The following TEX15 variants were observed in gnomAD, a reference collection of about 807,000 sequenced individuals.
The protein encoded by TEX15 is testis expressed 15, meiosis and synapsis associated, also known as testis-expressed protein 15.
In TEX15, 171 loss-of-function variants were observed where a neutral mutation model predicts 237.3. The observed-to-expected ratio is 0.72, with a 90% CI of 0.64 to 0.82. TEX15 has a LOEUF of 0.82. TEX15 is among the 40% of genes least tolerant of loss of function. The pLI is 0.00. For missense variants in TEX15, 3,750 were observed against 3,646.5 expected (o/e 1.03, Z -0.73); for synonymous variants, 1,338 against 1,269.8 (o/e 1.05, Z -1.14).
intron 6 of TEX15, among the ~76,000 whole-genome samples, chr8:30,859,346 C>A (rs970838392): frequency 1.3e-5 from 2 of 151,990 alleles, no homozygotes; most frequent in African/African-American, 4.8e-5. Flanking sequence ...TAAGCCTTTT[C>A]TTTTTCCTAC....
At chr8:30,879,489 TG>T (rs1276852139) in intron 3 of TEX15, among the ~76,000 whole-genome samples, 4 of 152,258 alleles carry the variant, frequency 2.6e-5, no homozygotes, top group African/African-American at 9.6e-5. Context: ...TTTTGGTCTC[TG>T]GATGTCCAAT....
chr8:30,858,596 C>A, intron 7 of TEX15, 72 bp downstream of exon 7: 1 of 1,291,754 alleles, frequency 7.7e-7, no homozygotes, highest in South Asian at 1.5e-5. Flanking sequence ...TTGTGTCCAG[C>A]CAGTAAATAA....
intron 7 of TEX15, 65 bp downstream of exon 7, chr8:30,858,603 A>G (rs924001733): frequency 1.5e-6 from 2 of 1,363,544 alleles, no homozygotes; most frequent in South Asian, 1.5e-5. Context: ...CAGCCAGTAA[A>G]TAATACTGAG....
chr8:30,906,696 A>T (rs1402608942), intron 1 of TEX15, among the ~76,000 whole-genome samples: 3 of 152,146 alleles, frequency 2.0e-5, no homozygotes, highest in Admixed American at 6.5e-5. Context: ...AAACTAAAAC[A>T]CTAGGTTTAA....
chr8:30,870,501 A>G (rs1808269203), intron 4 of TEX15, among the ~76,000 whole-genome samples: 1 of 152,060 alleles, frequency 6.6e-6, no homozygotes, highest in African/African-American at 2.4e-5. Flanking sequence ...GTATTTAGCT[A>G]TGGGGTGGGG....
chr8:30,890,594 CCTCT>C (rs1270430739), intron 2 of TEX15: 3 of 152,122 alleles, frequency 2.0e-5, no homozygotes, highest in Non-Finnish European at 2.9e-5. Context: ...ACTCACGTGG[CCTCT>C]CTCTGTTTAA....
At chr8:30,863,554 C>G (rs1270726756) in intron 5 of TEX15, among the ~76,000 whole-genome samples, 1 of 152,114 alleles carries the variant, frequency 6.6e-6, no homozygotes, top group Non-Finnish European at 1.5e-5. Context: ...ATTGCTGCAT[C>G]AATACCATTG....
Position 30,867,423 on chromosome 8 carries a change from C to T in TEX15, c.382G>A (p.Val128Ile), listed in dbSNP as rs1198795842. ...FCFLALPQSD[V>I]AQIYQNGIST... ...ATTCCATTCTGATATATCTGGGCTA[C>T]ATCACTCTGGGGAAGTGCTAAAAAG... The change falls in exon 5 of 11, where the codon GTA becomes ATA. Residue 128 changes from valine to isoleucine, a missense_variant. By Grantham distance (29) the Val-to-Ile change is conservative. Coordinates refer to ENST00000643185, the MANE Select transcript of TEX15 (RefSeq NM_001350162.2). 4 of 1,534,498 alleles carry T rather than the reference C, an allele frequency of 2.6e-6. No individual in the cohort carries two copies. The South Asian group carries it at 4.8e-5, about 18-fold the overall frequency.
intron 1 of TEX15, among the ~76,000 whole-genome samples, chr8:30,906,429 C>G (rs1309370141): frequency 6.9e-6 from 1 of 143,924 alleles, no homozygotes; most frequent in Non-Finnish European, 1.5e-5. Flanking sequence ...ACTAAAAATA[C>G]AAAAAAAAAA....
In TEX15 at chr8:30,833,220, A is replaced by G; in HGVS notation, c.*66T>C. On this transcript the variant is annotated 3_prime_UTR_variant, in exon 11 of 11. Coordinates refer to ENST00000643185, the MANE Select transcript of TEX15 (RefSeq NM_001350162.2). ...CATTAAAAATCGCTAAATGTTAAAA[A>G]ATATATAAGTAAAAAATATTTGGAA... 1 of 1,118,360 alleles carries G rather than the reference A, an allele frequency of 8.9e-7. No individual in the cohort carries two copies. Among genetic ancestry groups the G allele is most frequent in the Non-Finnish European group, 1.3e-6 (1 of 782,556 alleles). The allele number at this position is 1,118,360 out of a possible 1,614,324, so 69.3% of individuals were successfully genotyped here.
chr8:30,870,743 A>C (rs1391097364), intron 4 of TEX15, among the ~76,000 whole-genome samples: 5 of 152,064 alleles, frequency 3.3e-5, no homozygotes, highest in African/African-American at 4.8e-5. Flanking sequence ...TGCTAATGCC[A>C]CCCAACTCCA....
intron 9 of TEX15, among the ~76,000 whole-genome samples, chr8:30,838,299 T>C (rs533497449): frequency 2.6e-5 from 4 of 152,298 alleles, no homozygotes; most frequent in African/African-American, 4.8e-5. Flanking sequence ...TCCAATATTG[T>C]AATAAACTAT....
chr8:30,881,830 C>G (rs1808533931), intron 3 of TEX15, among the ~76,000 whole-genome samples: 2 of 152,008 alleles, frequency 1.3e-5, no homozygotes, highest in African/African-American at 2.4e-5. Context: ...ACTGTGTTGC[C>G]CAGGCTAGTC....
Position 30,847,336 on chromosome 8 carries a change from T to G in TEX15, c.2831A>C (p.Asp944Ala), listed in dbSNP as rs776068487. 6.2e-7 allele frequency: 1 copy of G among 1,613,868 alleles called. No homozygotes were observed. Among genetic ancestry groups the G allele is most frequent in the Non-Finnish European group, 8.5e-7 (1 of 1,179,908 alleles). ...TTTTTGTTTCACGGCACTAATGGTA[T>G]CTTCTTCACTCTCTAATAATGCAGT... ...AATALLESEEDTISAVKQKDT... is the reference protein window; with the variant it reads ...AATALLESEEATISAVKQKDT... The change falls in exon 8 of 11, where the codon GAT becomes GCT. Residue 944 changes from aspartate to alanine, a missense_variant. Physicochemically the swap from Asp to Ala is moderately radical, Grantham distance 126. Transcript: ENST00000643185.
At chr8:30,838,088 A>G in intron 9 of TEX15, 27 bp from the exon 10 acceptor site, 1 of 1,534,128 alleles carries the variant, frequency 6.5e-7, no homozygotes, top group South Asian at 1.3e-5. Flanking sequence ...ATACATAAAA[A>G]TGAATTTAAA....
In TEX15 at chr8:30,845,261, C is replaced by G. The variant is rs550634138; in HGVS notation, c.4906G>C (p.Asp1636His). The change falls in exon 8 of 11, where the codon GAT becomes CAT. Residue 1636 changes from aspartate to histidine, a missense_variant. By Grantham distance (81) the Asp-to-His change is moderately conservative (BLOSUM62 -1). Coordinates refer to ENST00000643185, the MANE Select transcript of TEX15 (RefSeq NM_001350162.2). ...TTTGTGTGACCTATGCAAGTTGCAT[C>G]ACAATCGTTGCCTGTACTAGAATTT... Reference protein sequence around the residue: ...NINSSTGNDCDATCIGHTKAK... With the variant: ...NINSSTGNDCHATCIGHTKAK... The G allele has an allele frequency of 6.2e-7, 1 of 1,613,496 alleles. No homozygotes were observed. Among genetic ancestry groups the G allele is most frequent in the South Asian group, 1.1e-5 (1 of 91,032 alleles).
In TEX15 at chr8:30,842,938, T is replaced by C. The variant is rs1472375552; in HGVS notation, c.7229A>G (p.Asp2410Gly). Reference sequence around the variant, plus strand: ...GATAAAAATATTATCCATGTTATTATCTTGTAGCATCTGAAAGTATTTTTT... The same window carrying C: ...GATAAAAATATTATCCATGTTATTACCTTGTAGCATCTGAAAGTATTTTTT... Reference protein sequence around the residue: ...ILKKYFQMLQDNNMDNIFITE... With the variant: ...ILKKYFQMLQGNNMDNIFITE... The change falls in exon 8 of 11, where the codon GAT (aspartate) becomes GGT (glycine). Residue 2410 changes from aspartate (D) to glycine (G), a missense_variant. Coordinates refer to ENST00000643185, the MANE Select transcript of TEX15 (RefSeq NM_001350162.2). 31 of 1,610,490 alleles carry C rather than the reference T, an allele frequency of 1.9e-5. No individual in the cohort carries two copies. The highest frequency in any genetic ancestry group is 2.5e-5 in the Non-Finnish European group (30 of 1,178,530).
At chr8:30,876,189 C>A (rs1808397707) in intron 3 of TEX15, among the ~76,000 whole-genome samples, 1 of 152,132 alleles carries the variant, frequency 6.6e-6, no homozygotes, top group African/African-American at 2.4e-5. Flanking sequence ...ATAAAACAAA[C>A]CAATCTCATC....
At chr8:30,867,144 T>A in intron 5 of TEX15, 121 bp downstream of exon 5, 3 of 392,598 alleles carry the variant, frequency 7.6e-6, no homozygotes, top group Non-Finnish European at 1.3e-5. Flanking sequence ...TAAATATAAT[T>A]ATTACTTATT....
Sources: allele counts gnomAD v4.1 joint callset (sites outside exome capture counted in the v4.1 genomes callset), GRCh38; gene constraint gnomAD v4.1.1; transcripts MANE v1.5; gene names NCBI Gene and HGNC (gene_info 2026-07-23, HGNC 2026-07-21).